Variants in EIF3E observed in about 807,000 individuals in gnomAD.
The protein encoded by EIF3E is eIF-3 p48.
Under a neutral mutation model 59.3 loss-of-function variants are expected in EIF3E, and 25 were observed. That is an observed-to-expected ratio of 0.42 (90% CI 0.31 to 0.59). The LOEUF is 0.59. Ranked by LOEUF, EIF3E falls within the 20% of genes least tolerant of loss-of-function variation. The probability of loss-of-function intolerance (pLI) is 0.15; values close to 1 mark genes in which losing one functional copy is unlikely to be tolerated. For synonymous variants in EIF3E, 176 were observed against 170.2 expected, an observed-to-expected ratio of 1.03 and a Z score of -0.26; for missense variants, 317 against 534.3, an observed-to-expected ratio of 0.59 and a Z score of 4.01.
intron 10 of EIF3E, among the ~76,000 whole-genome samples, chr8:108,212,358 G>T (rs1045516786): frequency 6.6e-6 from 1 of 152,224 alleles, no homozygotes; most frequent in Non-Finnish European, 1.5e-5. Context: ...GAAGTATACT[G>T]TACTGAACAC....
chr8:108,241,700 T>A (rs589347), intron 2 of EIF3E, 99 bp downstream of exon 2: 349,900 of 604,960 alleles, frequency 0.58, 102,106 homozygotes, highest in African/African-American at 0.67. Context: ...TCAAATCATA[T>A]TTAAGCCTTT....
chr8:108,220,684 C>G (rs888487780), intron 7 of EIF3E, among the ~76,000 whole-genome samples: 6 of 152,220 alleles, frequency 3.9e-5, no homozygotes, highest in African/African-American at 1.4e-4. Flanking sequence ...GGGGCACTTT[C>G]AATCTCTCCC....
At chr8:108,206,654 G>A (rs898531736) in intron 10 of EIF3E, among the ~76,000 whole-genome samples, 1 of 144,414 alleles carries the variant, frequency 6.9e-6, no homozygotes, top group Admixed American at 6.9e-5. Flanking sequence ...ACATACACAC[G>A]CACGCACGTA....
intron 7 of EIF3E, among the ~76,000 whole-genome samples, chr8:108,224,923 C>T (rs1185640176): frequency 6.6e-6 from 1 of 151,584 alleles, no homozygotes; most frequent in Non-Finnish European, 1.5e-5. Flanking sequence ...AAAGTTTCAA[C>T]TATGTCCTTG....
At chr8:108,248,198 C>A (rs963407088) in intron 1 of EIF3E, among the ~76,000 whole-genome samples, 3 of 152,156 alleles carry the variant, frequency 2.0e-5, no homozygotes, top group Non-Finnish European at 4.4e-5. Context: ...CATGCAAAAA[C>A]CCACAGCCAA....
chr8:108,204,746 T>TATATATATATATAGAG (rs1354950271), intron 10 of EIF3E, among the ~76,000 whole-genome samples: 14 of 113,676 alleles, frequency 1.2e-4, no homozygotes, highest in East Asian at 2.9e-4. Flanking sequence ...TATATATATA[T>TATATATATATATAGAG]AGAGAGAGAG....
At chr8:108,243,238 T>A (rs1301933971) in intron 1 of EIF3E, 1 of 152,138 alleles carries the variant, frequency 6.6e-6, no homozygotes, top group Non-Finnish European at 1.5e-5. Context: ...AATGCTTAAC[T>A]CCACCTATAT....
At chr8:108,211,927 C>T (rs1815217597) in intron 10 of EIF3E, among the ~76,000 whole-genome samples, 2 of 152,198 alleles carry the variant, frequency 1.3e-5, no homozygotes, top group African/African-American at 4.8e-5. Flanking sequence ...TCCTCTGGCT[C>T]AACTGATAAA....
chr8:108,239,368 G>T (rs1245241173), intron 3 of EIF3E, among the ~76,000 whole-genome samples: 1 of 152,010 alleles, frequency 6.6e-6, no homozygotes, highest in Non-Finnish European at 1.5e-5. Flanking sequence ...CTTTTTATTG[G>T]TTTTAATTTT....
chr8:108,223,492 T>A (rs1464095885), intron 7 of EIF3E, among the ~76,000 whole-genome samples: 1 of 152,206 alleles, frequency 6.6e-6, no homozygotes, highest in Non-Finnish European at 1.5e-5. Context: ...ATTCTGGACA[T>A]CACATAGTGG....
At chr8:108,237,488 G>C (rs560123092) in intron 3 of EIF3E, among the ~76,000 whole-genome samples, 112 of 152,288 alleles carry the variant, frequency 7.4e-4, no homozygotes, top group Middle Eastern at 3.4e-3. Context: ...CTGACCTCAA[G>C]TGATCCACCC....
rs764283496 is a variant in EIF3E at position 108,235,121 on chromosome 8, G to T, written c.367-19C>A. 7.1e-7 allele frequency: 1 copy of T among 1,411,344 alleles called. No homozygotes were observed. Among genetic ancestry groups the T allele is most frequent in the South Asian group, 1.3e-5 (1 of 75,210 alleles). 87.4% of individuals were successfully genotyped at this position (1,411,344 alleles called of 1,614,324 possible). ...GCCTAAACTAAAAAGAAAAAAAAAA[G>T]ATTAAGTTCTCTTTAATTTAGAGTT... On this transcript the variant is annotated intron_variant, in intron 4 of 12. Coordinates refer to ENST00000220849, the MANE Select transcript of EIF3E (RefSeq NM_001568.3).
rs1289763879 is a variant in EIF3E, at chr8:108,228,117, C to T, written c.722+150G>A. The stretch of plus-strand genomic sequence containing the variant: ...AGTTTACTTAAGAGTCACATGCATA[C>T]TTTTCAGTAACAAGCAAATCTACTA... On this transcript the variant is annotated intron_variant, in intron 7 of 12. Coordinates refer to ENST00000220849, the MANE Select transcript of EIF3E (RefSeq NM_001568.3). The T allele has an allele frequency of 3.6e-6, 3 of 842,220 alleles. No homozygotes were observed. In the East Asian group the frequency reaches 8.8e-5, roughly 25 times the overall value. The allele number at this position is 842,220 out of a possible 1,614,324, so 52.2% of individuals were successfully genotyped here. A position where few individuals can be genotyped will look rare whatever the true frequency, so the allele number is the denominator to read the frequency against.
intron 10 of EIF3E, among the ~76,000 whole-genome samples, chr8:108,206,337 AAAAG>A (rs1429516140): frequency 2.0e-4 from 30 of 152,246 alleles, no homozygotes; most frequent in African/African-American, 6.7e-4. Context: ...AAAAAAAAGA[AAAAG>A]AAAGAAAAAA....
In EIF3E at chr8:108,201,355, T is replaced by C. The variant is rs924086810; in HGVS notation, c.*530A>G. 1 of 151,292 alleles carries C rather than the reference T, an allele frequency of 6.6e-6. No individual in the cohort carries two copies. Among genetic ancestry groups the C allele is most frequent in the African/African-American group, 2.4e-5 (1 of 41,034 alleles). 9.4% of individuals were successfully genotyped at this position (151,292 alleles called of 1,614,324 possible). A position where few individuals can be genotyped will look rare whatever the true frequency, so the allele number is the denominator to read the frequency against. On this transcript the variant is annotated 3_prime_UTR_variant, in exon 13 of 13. Coordinates refer to ENST00000220849, the MANE Select transcript of EIF3E (RefSeq NM_001568.3). ...GTTGTGTATTATGTAATTCCATTTA[T>C]ATAACATTCTCATAATGACAAAATA...
At chr8:108,214,036 T>A (rs1179386948) in intron 10 of EIF3E, among the ~76,000 whole-genome samples, 2 of 152,238 alleles carry the variant, frequency 1.3e-5, no homozygotes, top group Non-Finnish European at 2.9e-5. Context: ...ATGTGTACAA[T>A]TTATTTCTAA....
intron 7 of EIF3E, 63 bp downstream of exon 7, chr8:108,228,204 G>A: frequency 7.0e-7 from 1 of 1,426,618 alleles, no homozygotes; most frequent in Non-Finnish European, 9.3e-7. Context: ...TATATTTTAA[G>A]TTTAAACAAC....
At position 108,241,902 on chromosome 8, in the gene EIF3E, T is replaced by A; in HGVS notation, c.102A>T (p.Glu34Asp). The change falls in exon 2 of 13, where the codon GAA (glutamate) becomes GAT (aspartate). Residue 34 changes from glutamate to aspartate, a missense_variant. Transcript: ENST00000220849. ...EFLSVKEIYN[E>D]KELLQGKLDL... ...CCAATTTACCTTGTAATAATTCCTT[T>A]TCATTATATATCTGCAAAAGAAGAT... 6.3e-7 allele frequency: 1 copy of A among 1,579,882 alleles called. No individual in the cohort carries two copies. Among genetic ancestry groups the A allele is most frequent in the Non-Finnish European group, 8.6e-7 (1 of 1,162,740 alleles).
intron 10 of EIF3E, among the ~76,000 whole-genome samples, chr8:108,212,400 C>T (rs753747109): frequency 2.0e-5 from 3 of 152,214 alleles, no homozygotes; most frequent in Admixed American, 1.3e-4. Flanking sequence ...TAAAACATTT[C>T]TATCACTACA....
Sources: allele counts gnomAD v4.1 joint callset (sites outside exome capture counted in the v4.1 genomes callset), GRCh38; gene constraint gnomAD v4.1.1; transcripts MANE v1.5; gene names NCBI Gene and HGNC (gene_info 2026-07-23, HGNC 2026-07-21).